Variants in KLHL1 observed in about 807,000 individuals in gnomAD.
KLHL1 encodes the protein kelch like family member 1, also known as kelch-like protein 1.
KLHL1 carries 47 observed loss-of-function variants against 77.7 expected under a neutral mutation model. The ratio of observed to expected loss-of-function variants is 0.60; its 90% CI spans 0.48 to 0.77. KLHL1 has a LOEUF of 0.77. Ranked by LOEUF, KLHL1 falls within the 30% of genes least tolerant of loss-of-function variation. The pLI is 0.00. For synonymous variants in KLHL1, 360 were observed against 325.2 expected (o/e 1.11, Z -1.15); for missense variants, 925 against 910.8 (o/e 1.02, Z -0.20).
At chr13:70,053,655 T>C (rs1405073914) in intron 1 of KLHL1, among the ~76,000 whole-genome samples, 1 of 152,100 alleles carries the variant, frequency 6.6e-6, no homozygotes, top group Non-Finnish European at 1.5e-5. Context: ...ACTCAATAAA[T>C]TATCTTCCAA....
chr13:69,722,884 C>T (rs892484749), intron 8 of KLHL1, among the ~76,000 whole-genome samples: 6 of 152,060 alleles, frequency 3.9e-5, no homozygotes, highest in Admixed American at 3.9e-4. Flanking sequence ...TTTATTGCAG[C>T]ACTATTCACA....
intron 7 of KLHL1, 88 bp downstream of exon 7, chr13:69,796,649 TA>T: frequency 1.0e-6 from 1 of 991,654 alleles, no homozygotes; most frequent in Non-Finnish European, 1.5e-6. Context: ...ACAAATTTAC[TA>T]AGACAGACAT....
chr13:69,865,544 G>T lies in KLHL1; in HGVS notation c.1227+16739C>A, dbSNP rs114694276. On this transcript the variant is annotated intron_variant, in intron 5 of 10. Coordinates refer to ENST00000377844, the MANE Select transcript of KLHL1 (RefSeq NM_020866.3). ...AAATTTACTGAAGAGGGACGGCATC[G>T]TGAAGCATGAATACAGGTGGGAAAA... Among the ~76,000 whole-genome samples, 645 of 152,222 alleles carry T rather than the reference G, an allele frequency of 4.2e-3. 4 individuals carry two copies. The highest frequency in any genetic ancestry group is 0.015 in the African/African-American group (620 of 41,538).
At chr13:69,772,766 T>C (rs1249646612) in intron 7 of KLHL1, among the ~76,000 whole-genome samples, 1 of 152,178 alleles carries the variant, frequency 6.6e-6, no homozygotes, top group Admixed American at 6.6e-5. Flanking sequence ...GTGTTGTTTC[T>C]GAATAAAGTG....
intron 1 of KLHL1, among the ~76,000 whole-genome samples, chr13:69,979,175 A>AT (rs1038833096): frequency 1.4e-4 from 20 of 145,574 alleles, no homozygotes; most frequent in African/African-American, 3.9e-4. Context: ...GCTCAAAAAA[A>AT]AAATAAATAA....
At chr13:69,970,597 T>A (rs1337276200) in intron 2 of KLHL1, among the ~76,000 whole-genome samples, 1 of 152,060 alleles carries the variant, frequency 6.6e-6, no homozygotes, top group African/African-American at 2.4e-5. Context: ...TTCCTGCTTC[T>A]CACACTTTAT....
intron 1 of KLHL1, among the ~76,000 whole-genome samples, chr13:70,091,030 A>G (rs1432060431): frequency 6.6e-6 from 1 of 151,676 alleles, no homozygotes; most frequent in Non-Finnish European, 1.5e-5. Flanking sequence ...TGGATTTTCT[A>G]TCTTATTCTC....
chr13:69,844,961 G>C (rs1879404190), intron 5 of KLHL1, among the ~76,000 whole-genome samples: 1 of 151,528 alleles, frequency 6.6e-6, no homozygotes, highest in Admixed American at 6.6e-5. Flanking sequence ...TTCGATCCAG[G>C]AAATATTTGC....
intron 8 of KLHL1, among the ~76,000 whole-genome samples, chr13:69,736,247 C>G (rs957114362): frequency 4.6e-5 from 7 of 152,192 alleles, no homozygotes; most frequent in Non-Finnish European, 8.8e-5. Flanking sequence ...AGACAATTCT[C>G]AAAAGAACAT....
In KLHL1 at chr13:70,108,164, T is replaced by C; in HGVS notation, c.-465A>G. 2.5e-6 allele frequency: 1 copy of C among 399,862 alleles called. No individual in the cohort carries two copies. The highest frequency in any genetic ancestry group is 2.1e-5 in the African/African-American group (1 of 48,698). 24.8% of individuals were successfully genotyped at this position (399,862 alleles called of 1,614,324 possible). A position where few individuals can be genotyped will look rare whatever the true frequency, so the allele number is the denominator to read the frequency against. On this transcript the variant is annotated 5_prime_UTR_variant, in exon 1 of 11. Transcript: ENST00000377844. ...GGGAAGGTGGTGGCGTTCTTGTCCTTGCAGCTCAGAGTTCAGTGTCTGGAG... is the reference window on the plus strand; with the variant it reads ...GGGAAGGTGGTGGCGTTCTTGTCCTCGCAGCTCAGAGTTCAGTGTCTGGAG...
rs558734966 is a variant in KLHL1 at position 69,933,872 on chromosome 13, T to C, written c.1014+6168A>G. On this transcript the variant is annotated intron_variant, in intron 4 of 10. Transcript: ENST00000377844. The stretch of plus-strand genomic sequence containing the variant: ...TTCTCTTTCAGGTTCATAATATCCA[T>C]TTGTCTGAAGGAATTCATATTTTGT... Among the ~76,000 whole-genome samples, 4 of 152,146 alleles carry C rather than the reference T, an allele frequency of 2.6e-5. No individual in the cohort carries two copies. In the South Asian group the frequency reaches 6.2e-4, roughly 24 times the overall value.
chr13:69,705,592 A>G (rs1373710993), intron 10 of KLHL1, among the ~76,000 whole-genome samples: 1 of 151,702 alleles, frequency 6.6e-6, no homozygotes, highest in Non-Finnish European at 1.5e-5. Flanking sequence ...AAAATTTTTA[A>G]AGGGATTTTG....
intron 9 of KLHL1, among the ~76,000 whole-genome samples, chr13:69,712,226 A>G (rs1375786120): frequency 6.6e-6 from 1 of 150,544 alleles, no homozygotes; most frequent in African/African-American, 2.4e-5. Context: ...AGATGATCCT[A>G]TGTAGGTCCA....
intron 5 of KLHL1, among the ~76,000 whole-genome samples, chr13:69,856,357 T>C (rs1201849692): frequency 4.6e-5 from 7 of 152,044 alleles, no homozygotes; most frequent in South Asian, 2.1e-4. Context: ...AATGTGGTAA[T>C]TGGCATTTGT....
intron 5 of KLHL1, among the ~76,000 whole-genome samples, chr13:69,871,125 T>C (rs954953666): frequency 6.6e-5 from 10 of 152,158 alleles, no homozygotes; most frequent in African/African-American, 9.7e-5. Flanking sequence ...CGCTTTTCCA[T>C]TGTGGGCACT....
chr13:70,064,301 C>A (rs981212201), intron 1 of KLHL1, among the ~76,000 whole-genome samples: 1 of 152,082 alleles, frequency 6.6e-6, no homozygotes, highest in Non-Finnish European at 1.5e-5. Flanking sequence ...CCAAAACATA[C>A]AAATTTTTGA....
intron 5 of KLHL1, among the ~76,000 whole-genome samples, chr13:69,842,851 G>A (rs7331664): frequency 0.044 from 6,736 of 151,672 alleles, 204 homozygotes; most frequent in African/African-American, 0.076. Flanking sequence ...AATGCTACTT[G>A]GCCATAAGAA....
intron 1 of KLHL1, among the ~76,000 whole-genome samples, chr13:70,091,430 T>C (rs1345781586): frequency 6.6e-6 from 1 of 152,150 alleles, no homozygotes; most frequent in African/African-American, 2.4e-5. Context: ...AACTCATGTG[T>C]TGTTCTCTCA....
intron 2 of KLHL1, among the ~76,000 whole-genome samples, chr13:69,972,923 T>TA (rs201084853): frequency 2.0e-3 from 303 of 152,032 alleles, no homozygotes; most frequent in Middle Eastern, 6.8e-3. Flanking sequence ...AGCCTACCTA[T>TA]AAAAAATTTT....
Sources: allele counts gnomAD v4.1 joint callset (sites outside exome capture counted in the v4.1 genomes callset), GRCh38; gene constraint gnomAD v4.1.1; transcripts MANE v1.5; gene names NCBI Gene and HGNC (gene_info 2026-07-23, HGNC 2026-07-21).